NLRP10: variants seen among roughly 807,000 people sequenced by gnomAD.
NLRP10 encodes the protein NACHT, LRR and PYD domains-containing protein 10.
Under a neutral mutation model 8.2 loss-of-function variants are expected in NLRP10, and 7 were observed. That is an observed-to-expected ratio of 0.85 (90% CI 0.48 to 1.60). The LOEUF is 1.60. Among genes scored for constraint, NLRP10 ranks in the 40% most tolerant of loss-of-function variants. The pLI is 0.00. For missense variants in NLRP10, 814 were observed against 776.3 expected (o/e 1.05, Z -0.58); for synonymous variants, 338 against 314.0 (o/e 1.08, Z -0.81).
rs749621902 is a variant in NLRP10, at chr11:7,960,083, A to T, written c.1529T>A (p.Met510Lys). The T allele has an allele frequency of 8.7e-6, 14 of 1,614,032 alleles. No individual in the cohort carries two copies. The South Asian group carries it at 1.5e-4, about 18-fold the overall frequency. Residue 510 changes from methionine (M) to lysine (K), a missense_variant, in exon 3 of 3, where the codon ATG becomes AAG. Coordinates refer to ENST00000691676, the MANE Select transcript of NLRP10 (RefSeq NM_001391958.1). ...EVKEQEGNDE[M>K]TLTMQFLLDI... ...CAGTAAAAACTGCATAGTGAGGGTCATCTCATCATTCCCTTCCTGCTCCTT... is the reference window on the plus strand; with the variant it reads ...CAGTAAAAACTGCATAGTGAGGGTCTTCTCATCATTCCCTTCCTGCTCCTT...
intron 2 of NLRP10, among the ~76,000 whole-genome samples, chr11:7,962,228 G>GTTTTTTTTTTT (rs1196465022): frequency 7.1e-4 from 26 of 36,830 alleles, no homozygotes; most frequent in South Asian, 1.0e-3. Flanking sequence ...AGATAAGCCT[G>GTTTTTTTTTTT]TTCTTTTTTT....
chr11:7,963,988 C>CTCGG (rs912104020), intron 1 of NLRP10, among the ~76,000 whole-genome samples: 7 of 152,144 alleles, frequency 4.6e-5, no homozygotes, highest in African/African-American at 1.4e-4. Flanking sequence ...GTGGCATGAT[C>CTCGG]TCGGCTCACC....
At position 7,960,712 on chromosome 11, in the gene NLRP10, C is replaced by G; in HGVS notation, c.900G>C (p.Leu300=). 2 of 1,614,190 alleles carry G rather than the reference C, an allele frequency of 1.2e-6. No individual in the cohort carries two copies. The highest frequency in any genetic ancestry group is 2.2e-5 in the South Asian group (2 of 91,090). ...ITTRPLALRN[L]EPLLKQARHV... is the part of the protein sequence containing the mutation. ...GACGTGCTTGTTTCAGCAAGGGCTC[C>G]AGATTCCTCAAAGCCAGGGGCCGGG... The change falls in exon 3 of 3, where the codon CTG becomes CTC. Residue 300 remains leucine (L), a synonymous_variant. Coordinates refer to ENST00000691676, the MANE Select transcript of NLRP10 (RefSeq NM_001391958.1).
At chr11:7,962,298 C>T (rs1183560149) in intron 2 of NLRP10, among the ~76,000 whole-genome samples, 11 of 118,562 alleles carry the variant, frequency 9.3e-5, no homozygotes, top group African/African-American at 1.3e-4. Context: ...TGCAGTGGCG[C>T]GATCTCGACT....
Position 7,959,242 on chromosome 11 carries a change from A to G in NLRP10, c.*402T>C, listed in dbSNP as rs912736567. ...TAAGATCAATTGACCATTTTTGTGT[A>G]GGTTTGTTTCTGGTTCTCTATTCTA... On this transcript the variant is annotated 3_prime_UTR_variant, in exon 3 of 3. Coordinates refer to ENST00000691676, the MANE Select transcript of NLRP10 (RefSeq NM_001391958.1). 1.3e-5 allele frequency among the ~76,000 whole-genome samples: 2 copies of G among 152,154 alleles called. No homozygotes were observed. Among genetic ancestry groups the G allele is most frequent in the Non-Finnish European group, 2.9e-5 (2 of 68,028 alleles).
At position 7,958,490 on chromosome 11, in the gene NLRP10, T is replaced by C. The variant is rs986750907; in HGVS notation, c.*1154A>G. On this transcript the variant is annotated 3_prime_UTR_variant, in exon 3 of 3. Coordinates refer to ENST00000691676, the MANE Select transcript of NLRP10 (RefSeq NM_001391958.1). ...AATGACATATGAAGTTGAGCGTCTT[T>C]TCAAATATTTATTTGCCATCTGTGT... Among the ~76,000 whole-genome samples the C allele has an allele frequency of 1.3e-5, 2 of 152,220 alleles. No homozygotes were observed. The highest frequency in any genetic ancestry group is 4.8e-5 in the African/African-American group (2 of 41,446).
At chr11:7,962,358 C>T (rs962562800) in intron 2 of NLRP10, among the ~76,000 whole-genome samples, 4 of 151,150 alleles carry the variant, frequency 2.6e-5, no homozygotes, top group Non-Finnish European at 4.4e-5. Flanking sequence ...GCCTCAGCCT[C>T]CCGTGTAGCT....
intron 1 of NLRP10, among the ~76,000 whole-genome samples, chr11:7,964,583 A>T (rs1397885082): frequency 2.0e-5 from 3 of 152,220 alleles, no homozygotes; most frequent in Non-Finnish European, 1.5e-5. Context: ...AGTTTTCCAG[A>T]GCTAGGCCAC....
rs752866707 is a variant in NLRP10, at chr11:7,960,558, G to A, written c.1054C>T (p.Gln352Ter). Residue 352 changes from glutamine to a stop codon, truncating the protein, a stop_gained, in exon 3 of 3, where the codon CAG (glutamine) becomes TAG (stop). Coordinates refer to ENST00000691676, the MANE Select transcript of NLRP10 (RefSeq NM_001391958.1). LOFTEE classifies it low-confidence loss of function (END_TRUNC). ...ACCACCCAGCAAATGCCTGGAACCT[G>A]ACACGCTTTGTAGAGAATGTCATTT... ...QKNDILYKACQVPGICWVVCS... is the reference protein window; with the variant it reads ...QKNDILYKAC 1.5e-5 allele frequency: 25 copies of A among 1,614,100 alleles called. No individual in the cohort carries two copies. Among genetic ancestry groups the A allele is most frequent in the Non-Finnish European group, 1.9e-5 (23 of 1,180,048 alleles).
At position 7,960,220 on chromosome 11, in the gene NLRP10, GAAGCTGTAGAACTTCTTGATGGC is replaced by G; in HGVS notation, c.1369_1391del (p.Ala457ProfsTer44). ...AAAAGTCCTGGAAGCTGATGTGGCG[GAAGCTGTAGAACTTCTTGATGGC>G]AAGTCCCAATTGGTAGTCGTTACTA... On this transcript the variant is annotated frameshift_variant, in exon 3 of 3. Transcript: ENST00000691676. LOFTEE classifies it low-confidence loss of function (END_TRUNC). 6.2e-7 allele frequency: 1 copy of G among 1,614,196 alleles called. No homozygotes were observed. The highest frequency in any genetic ancestry group is 8.5e-7 in the Non-Finnish European group (1 of 1,180,030).
In NLRP10 at chr11:7,960,050, G is replaced by T; in HGVS notation, c.1562C>A (p.Ser521Ter). ...CAAGTTCGAGAAGCTGTCTTTTTTC[G>T]AGATGTCCAGTAAAAACTGCATAGT... ...TLTMQFLLDI[S>*]KKDSFSNLEL... The change falls in exon 3 of 3, where the codon TCG (serine) becomes TAG (stop). Residue 521 changes from serine to a stop codon, truncating the protein, a stop_gained. Coordinates refer to ENST00000691676, the MANE Select transcript of NLRP10 (RefSeq NM_001391958.1). LOFTEE classifies it low-confidence loss of function (END_TRUNC). 6.2e-7 allele frequency: 1 copy of T among 1,613,852 alleles called. No individual in the cohort carries two copies. The highest frequency in any genetic ancestry group is 8.5e-7 in the Non-Finnish European group (1 of 1,179,932).
Position 7,960,041 on chromosome 11 carries a change from T to C in NLRP10, c.1571A>G (p.Asp524Gly), listed in dbSNP as rs763165684. 205 of 1,614,014 alleles carry C rather than the reference T, an allele frequency of 1.3e-4. No homozygotes were observed. The highest frequency in any genetic ancestry group is 1.6e-4 in the Non-Finnish European group (193 of 1,180,028). ...MQFLLDISKK[D>G]SFSNLELKFC... is the part of the protein sequence containing the mutation. ...CTTGAGCTCCAAGTTCGAGAAGCTGTCTTTTTTCGAGATGTCCAGTAAAAA... is the reference window on the plus strand; with the variant it reads ...CTTGAGCTCCAAGTTCGAGAAGCTGCCTTTTTTCGAGATGTCCAGTAAAAA... Residue 524 changes from aspartate (D) to glycine (G), a missense_variant, in exon 3 of 3, where the codon GAC (aspartate) becomes GGC (glycine). Transcript: ENST00000691676.
intron 2 of NLRP10, 87 bp from the exon 3 acceptor site, chr11:7,961,409 C>T (rs1941727980): frequency 3.6e-6 from 3 of 837,296 alleles, no homozygotes; most frequent in South Asian, 1.7e-5. Context: ...GCTCATTAGT[C>T]TTCTTGTATG....
intron 2 of NLRP10, among the ~76,000 whole-genome samples, chr11:7,962,231 CTTTTTTTTTT>C (rs71452435): frequency 3.0e-5 from 2 of 66,994 alleles, no homozygotes; most frequent in African/African-American, 5.6e-5. Context: ...TAAGCCTGTT[CTTTTTTTTTT>C]TTTTTTTTTT....
chr11:7,960,982 T>A lies in NLRP10; in HGVS notation c.630A>T (p.Glu210Asp). 6.2e-7 allele frequency: 1 copy of A among 1,614,156 alleles called. No homozygotes were observed. The highest frequency in any genetic ancestry group is 8.5e-7 in the Non-Finnish European group (1 of 1,180,028). The change falls in exon 3 of 3, where the codon GAA becomes GAT. Residue 210 changes from glutamate to aspartate, a missense_variant. Physicochemically the swap from Glu to Asp is conservative, Grantham distance 45. Coordinates refer to ENST00000691676, the MANE Select transcript of NLRP10 (RefSeq NM_001391958.1). ...FDYVFYVSCK[E>D]VVLLLESKLE... ...GTTTGCTCTCCAGCAGCAGGACCAC[T>A]TCTTTGCAGCTTACATAAAAGACAT...
At position 7,957,704 on chromosome 11, in the gene NLRP10, C is replaced by T. The variant is rs531210434; in HGVS notation, c.*1940G>A. Among the ~76,000 whole-genome samples, 1 of 152,064 alleles carries T rather than the reference C, an allele frequency of 6.6e-6. No homozygotes were observed. ...GACACATTTGTGATCATTGATGAAC[C>T]AATTTTGATACACTATTATTAACTA... On this transcript the variant is annotated 3_prime_UTR_variant, in exon 3 of 3. Transcript: ENST00000691676.
intron 2 of NLRP10, among the ~76,000 whole-genome samples, chr11:7,962,746 G>C (rs1235532237): frequency 6.6e-6 from 1 of 152,070 alleles, no homozygotes; most frequent in Non-Finnish European, 1.5e-5. Context: ...AGGCCATGAG[G>C]TCCCACACCA....
In NLRP10 at chr11:7,963,223, G is replaced by A. The variant is rs758258210; in HGVS notation, c.273C>T (p.Ser91=). The change falls in exon 2 of 3, where the codon AGC becomes AGT. Residue 91 remains serine (S), a synonymous_variant. Coordinates refer to ENST00000691676, the MANE Select transcript of NLRP10 (RefSeq NM_001391958.1). ...CACACTCACCATGCAGACAAATATGGCTGAGCTGGTCCACAAGTTCCAACA... is the reference window on the plus strand; with the variant it reads ...CACACTCACCATGCAGACAAATATGACTGAGCTGGTCCACAAGTTCCAACA... ...MNLLELVDQL[S]HICLHDYREV... 2 of 1,613,980 alleles carry A rather than the reference G, an allele frequency of 1.2e-6. No homozygotes were observed. Among genetic ancestry groups the A allele is most frequent in the African/African-American group, 2.7e-5 (2 of 74,920 alleles).
chr11:7,964,484 T>C (rs972108233), intron 1 of NLRP10, among the ~76,000 whole-genome samples: 1 of 152,208 alleles, frequency 6.6e-6, no homozygotes, highest in African/African-American at 2.4e-5. Context: ...TGCCAGGTGA[T>C]TTACATATCC....
Sources: allele counts gnomAD v4.1 joint callset (sites outside exome capture counted in the v4.1 genomes callset), GRCh38; gene constraint gnomAD v4.1.1; transcripts MANE v1.5; gene names NCBI Gene and HGNC (gene_info 2026-07-23, HGNC 2026-07-21).